EXD1: variants seen among roughly 807,000 people sequenced by gnomAD.
EXD1 encodes the protein piRNA biogenesis protein EXD1.
EXD1 carries 63 observed loss-of-function variants against 49.1 expected under a neutral mutation model. The ratio of observed to expected loss-of-function variants is 1.28; its 90% CI spans 1.05 to 1.58. EXD1 has a LOEUF of 1.58. EXD1 is among the 40% of genes most tolerant of loss of function. EXD1 has a pLI of 0.00. For missense variants in EXD1, 748 were observed against 666.0 expected, an observed-to-expected ratio of 1.12 and a Z score of -1.36; for synonymous variants, 234 against 239.2, an observed-to-expected ratio of 0.98 and a Z score of 0.20.
chr15:41,184,207 T>G lies in EXD1; in HGVS notation c.1443A>C (p.Arg481Ser), dbSNP rs747097413. The change falls in exon 12 of 12, where the codon AGA (arginine) becomes AGC (serine). Residue 481 changes from arginine to serine, a missense_variant. Arg to Ser is a moderately radical substitution (Grantham distance 110). Coordinates refer to ENST00000458580, the MANE Select transcript of EXD1 (RefSeq NM_001286441.2). ...TCATAAAGTGTTCTTTCTGAGTTATTCTCTGGTCCTCTGACCCCTTTGACT... is the reference window on the plus strand; with the variant it reads ...TCATAAAGTGTTCTTTCTGAGTTATGCTCTGGTCCTCTGACCCCTTTGACT... The part of the protein sequence containing the change: ...CTKSKGSEDQ[R>S]ITQKEHFMTP... The G allele has an allele frequency of 5.6e-6, 9 of 1,614,232 alleles. No homozygotes were observed. The Admixed American group carries it at 1.2e-4, about 21-fold the overall frequency.
chr15:41,196,172 A>C (rs1411591895), intron 7 of EXD1, 135 bp from the exon 8 acceptor site: 1 of 701,950 alleles, frequency 1.4e-6, no homozygotes, highest in African/African-American at 1.8e-5. Flanking sequence ...TTAGAGACAA[A>C]GTTTCACTCT....
Position 41,191,348 on chromosome 15 carries a change from G to A in EXD1, c.864+94C>T, listed in dbSNP as rs887285320. The A allele has an allele frequency of 4.0e-5, 46 of 1,153,666 alleles. No individual in the cohort carries two copies. In the Middle Eastern group the frequency reaches 1.0e-3, roughly 26 times the overall value. 71.5% of individuals were successfully genotyped at this position (1,153,666 alleles called of 1,614,324 possible). Reference sequence around the variant, plus strand: ...TTTGGCAATGTTCATATGATAACATGGCAGCTGTCATTTTTCTACATAACA... The same window carrying A: ...TTTGGCAATGTTCATATGATAACATAGCAGCTGTCATTTTTCTACATAACA... On this transcript the variant is annotated intron_variant, in intron 10 of 11. Transcript: ENST00000458580.
chr15:41,201,979 C>A (rs951883170), intron 7 of EXD1, among the ~76,000 whole-genome samples: 1 of 151,762 alleles, frequency 6.6e-6, no homozygotes, highest in Admixed American at 6.6e-5. Flanking sequence ...AAAGCAAGAC[C>A]CCTGTCTGTA....
At position 41,184,125 on chromosome 15, in the gene EXD1, A is replaced by G; in HGVS notation, c.1525T>C (p.Leu509=). ...AAATCTTCCTTGTTTTCCACCATCA[A>G]TAACTGTTCTGTCTCCTCTTTCAAA... ...LSLKEETEQL[L]MVENKEDLKC... is the part of the protein sequence containing the mutation. Residue 509 remains leucine, a synonymous_variant, in exon 12 of 12, where the codon TTG becomes CTG. Coordinates refer to ENST00000458580, the MANE Select transcript of EXD1 (RefSeq NM_001286441.2). 1.2e-6 allele frequency: 2 copies of G among 1,614,192 alleles called. No individual in the cohort carries two copies. Among genetic ancestry groups the G allele is most frequent in the South Asian group, 1.1e-5 (1 of 91,084 alleles).
chr15:41,209,524 G>A lies in EXD1; in HGVS notation c.511C>T (p.His171Tyr), dbSNP rs1220812437. Residue 171 changes from histidine to tyrosine, a missense_variant, in exon 7 of 12, where the codon CAT becomes TAT. Physicochemically the swap from His to Tyr is moderately conservative, Grantham distance 83 (BLOSUM62 2). Transcript: ENST00000458580. Reference sequence around the variant, plus strand: ...ACCTGCAGCCAGCACAGTTTGCCATGGCGACATACATTCGCTCCTTCTGCT... The same window carrying A: ...ACCTGCAGCCAGCACAGTTTGCCATAGCGACATACATTCGCTCCTTCTGCT... ...VAAEGANVCR[H>Y]GKLCWLQVAT... 1.9e-6 allele frequency: 3 copies of A among 1,613,974 alleles called. No homozygotes were observed. Among genetic ancestry groups the A allele is most frequent in the South Asian group, 1.1e-5 (1 of 91,070 alleles).
chr15:41,213,650 C>G (rs2046956436), intron 6 of EXD1, among the ~76,000 whole-genome samples: 2 of 152,186 alleles, frequency 1.3e-5, no homozygotes, highest in South Asian at 2.1e-4. Context: ...AAGTGCCCAC[C>G]ACCACACCTG....
rs749392708 is a variant in EXD1, at chr15:41,216,664, T to G, written c.388+4A>C. ...AAAAGAAAATTCAGAGCCCCTATAT[T>G]CACCTGATGGGCTGTACTTGAGGTC... On this transcript the variant is annotated splice_donor_region_variant and intron_variant, in intron 5 of 11. Coordinates refer to ENST00000458580, the MANE Select transcript of EXD1 (RefSeq NM_001286441.2). 2 of 1,604,498 alleles carry G rather than the reference T, an allele frequency of 1.2e-6. No homozygotes were observed. Among genetic ancestry groups the G allele is most frequent in the East Asian group, 2.2e-5 (1 of 44,846 alleles).
intron 6 of EXD1, among the ~76,000 whole-genome samples, 191 bp from the exon 7 acceptor site, chr15:41,209,778 CT>C (rs113116322): frequency 4.0e-5 from 6 of 150,890 alleles, no homozygotes; most frequent in African/African-American, 1.5e-4. Flanking sequence ...ACTTCTGATT[CT>C]TTTTTTTTGT....
chr15:41,208,607 C>A (rs1417653215), intron 7 of EXD1, among the ~76,000 whole-genome samples: 1 of 151,760 alleles, frequency 6.6e-6, no homozygotes, highest in African/African-American at 2.4e-5. Context: ...ACAAAATTAG[C>A]CAGGTGTGGT....
chr15:41,207,489 G>A lies in EXD1; in HGVS notation c.534+2012C>T, dbSNP rs927560191. On this transcript the variant is annotated intron_variant, in intron 7 of 11. Coordinates refer to ENST00000458580, the MANE Select transcript of EXD1 (RefSeq NM_001286441.2). ...CGGGAGGTGGAGGTTGTGGTGAGCC[G>A]AGATCGTGACACTACACTCCAGCCT... is the stretch of plus-strand genomic sequence containing the variant. Among the ~76,000 whole-genome samples the A allele has an allele frequency of 4.0e-5, 6 of 151,812 alleles. No homozygotes were observed. In the East Asian group the frequency reaches 7.7e-4, roughly 20 times the overall value.
intron 7 of EXD1, among the ~76,000 whole-genome samples, chr15:41,197,130 T>G (rs1393974124): frequency 6.6e-6 from 1 of 151,954 alleles, no homozygotes; most frequent in African/African-American, 2.4e-5. Context: ...CCACCACATC[T>G]TCACTTTTAA....
At chr15:41,230,396 AAAAC>A (rs2047222064) in intron 1 of EXD1, 79 bp downstream of exon 1, 8 of 1,486,294 alleles carry the variant, frequency 5.4e-6, no homozygotes, top group South Asian at 1.1e-5. Context: ...CTTTTTAATC[AAAAC>A]AAACAATACA....
intron 9 of EXD1, 47 bp downstream of exon 9, chr15:41,195,728 C>A: frequency 1.4e-6 from 2 of 1,454,930 alleles, no homozygotes; most frequent in Non-Finnish European, 9.3e-7. Context: ...CTTTTATCTA[C>A]AGGAGCTGTA....
intron 7 of EXD1, among the ~76,000 whole-genome samples, chr15:41,196,531 T>C (rs1294222672): frequency 6.6e-6 from 1 of 151,978 alleles, no homozygotes; most frequent in African/African-American, 2.4e-5. Flanking sequence ...TTGGCCAGGA[T>C]GGTCTCAATC....
At chr15:41,206,957 G>A (rs1158483669) in intron 7 of EXD1, among the ~76,000 whole-genome samples, 3 of 95,706 alleles carry the variant, frequency 3.1e-5, no homozygotes, top group Non-Finnish European at 6.1e-5. Flanking sequence ...TTTTTTTTAA[G>A]TAGTGCCTCT....
intron 7 of EXD1, among the ~76,000 whole-genome samples, chr15:41,199,739 G>GATATA (rs777473507): frequency 6.3e-5 from 5 of 79,370 alleles, no homozygotes; most frequent in African/African-American, 1.5e-4. Context: ...TGATATATAT[G>GATATA]TCATATATTA....
At chr15:41,194,301 G>A (rs1413856381) in intron 9 of EXD1, among the ~76,000 whole-genome samples, 2 of 152,072 alleles carry the variant, frequency 1.3e-5, no homozygotes, top group Non-Finnish European at 2.9e-5. Context: ...GTGAGCCACC[G>A]TGCCGGGCCT....
At chr15:41,210,465 G>A (rs1043756383) in intron 6 of EXD1, among the ~76,000 whole-genome samples, 12 of 152,184 alleles carry the variant, frequency 7.9e-5, no homozygotes, top group Non-Finnish European at 1.2e-4. Context: ...GCTGAGGAAG[G>A]AGGATCGTTT....
Position 41,215,729 on chromosome 15 carries a change from T to C in EXD1, c.447+46A>G, listed in dbSNP as rs773876422. ...AGAAATTTATGACACACAGACATGATACCTACATACAGGCAATACTAGTAA... is the reference window on the plus strand; with the variant it reads ...AGAAATTTATGACACACAGACATGACACCTACATACAGGCAATACTAGTAA... On this transcript the variant is annotated intron_variant, in intron 6 of 11. Coordinates refer to ENST00000458580, the MANE Select transcript of EXD1 (RefSeq NM_001286441.2). 8.5e-6 allele frequency: 13 copies of C among 1,537,604 alleles called. No homozygotes were observed. In the South Asian group the frequency reaches 1.1e-4, roughly 13 times the overall value.
Sources: gnomAD v4.1 joint callset for allele counts (sites outside exome capture counted in the v4.1 genomes callset) on GRCh38, gnomAD v4.1.1 for gene constraint, MANE v1.5 for transcripts, NCBI Gene and HGNC (gene_info 2026-07-23, HGNC 2026-07-21) for gene names.